PXDNL: variants seen among roughly 807,000 people sequenced by gnomAD.
PXDNL encodes peroxidasin like, also known as probable oxidoreductase PXDNL.
PXDNL carries 145 observed loss-of-function variants against 150.8 expected under a neutral mutation model. That is an observed-to-expected ratio of 0.96 (90% CI 0.84 to 1.10). The LOEUF (loss-of-function observed/expected upper bound fraction) is 1.10, where lower values mean the gene tolerates loss of function less well. PXDNL is among the 50% of genes least tolerant of loss of function. The probability of loss-of-function intolerance (pLI) is 0.00; values close to 1 mark genes in which losing one functional copy is unlikely to be tolerated. For missense variants in PXDNL, 2,087 were observed against 1,873.9 expected (o/e 1.11, Z -2.10); for synonymous variants, 757 against 725.7 (o/e 1.04, Z -0.69).
At chr8:51,609,408 C>T (rs1332562127) in intron 2 of PXDNL, among the ~76,000 whole-genome samples, 1 of 152,154 alleles carries the variant, frequency 6.6e-6, no homozygotes, top group Non-Finnish European at 1.5e-5. Flanking sequence ...CAGGAAGTGT[C>T]CTCTATCCCG....
At chr8:51,492,276 A>G (rs1810912861) in intron 5 of PXDNL, among the ~76,000 whole-genome samples, 1 of 152,190 alleles carries the variant, frequency 6.6e-6, no homozygotes, top group African/African-American at 2.4e-5. Flanking sequence ...GCATATCATC[A>G]GCTAGATACA....
chr8:51,497,418 T>G lies in PXDNL; in HGVS notation c.452+2281A>C, dbSNP rs572070350. ...AACACCAAAAGCAATGGCAACAAAA[T>G]CCAAAATTGACAAACAGGATCTAAT... is the stretch of plus-strand genomic sequence containing the variant. On this transcript the variant is annotated intron_variant, in intron 5 of 22. Coordinates refer to ENST00000356297, the MANE Select transcript of PXDNL (RefSeq NM_144651.5). Among the ~76,000 whole-genome samples the G allele has an allele frequency of 3.3e-5, 5 of 151,958 alleles. No individual in the cohort carries two copies. In the East Asian group the frequency reaches 5.8e-4, roughly 18 times the overall value.
intron 4 of PXDNL, among the ~76,000 whole-genome samples, chr8:51,531,260 C>T (rs1353789941): frequency 2.0e-5 from 3 of 152,218 alleles, no homozygotes; most frequent in Non-Finnish European, 4.4e-5. Context: ...TTTTGCCCAT[C>T]AGGATGTGCC....
intron 1 of PXDNL, among the ~76,000 whole-genome samples, chr8:51,663,555 G>A (rs1442267131): frequency 6.6e-6 from 1 of 152,090 alleles, no homozygotes; most frequent in Non-Finnish European, 1.5e-5. Flanking sequence ...AGGGGTATGC[G>A]GCCACCTTCT....
intron 1 of PXDNL, among the ~76,000 whole-genome samples, chr8:51,696,821 A>AAGTC (rs56211980): frequency 6.8e-6 from 1 of 145,992 alleles, no homozygotes; most frequent in African/African-American, 2.6e-5. Context: ...ACACACACAC[A>AAGTC]CACACACACA....
chr8:51,742,830 A>T (rs905119134), intron 1 of PXDNL, among the ~76,000 whole-genome samples: 7 of 152,176 alleles, frequency 4.6e-5, no homozygotes, highest in Non-Finnish European at 8.8e-5. Flanking sequence ...CCTGATAAGA[A>T]GAAATGTGAC....
At chr8:51,352,074 A>G (rs1294135309) in intron 19 of PXDNL, among the ~76,000 whole-genome samples, 3 of 152,064 alleles carry the variant, frequency 2.0e-5, no homozygotes, top group Admixed American at 6.6e-5. Flanking sequence ...TCAGGGTTAC[A>G]TTAGTGTGTG....
At chr8:51,696,791 C>CATGCACATA in intron 1 of PXDNL, among the ~76,000 whole-genome samples, 1 of 2,056 alleles carries the variant, frequency 4.9e-4, no homozygotes, top group African/African-American at 2.5e-3. Context: ...ACATACCCAC[C>CATGCACATA]CACACATAGG....
chr8:51,578,054 GA>G (rs1813124018), intron 3 of PXDNL, among the ~76,000 whole-genome samples: 1 of 114,018 alleles, frequency 8.8e-6, no homozygotes, highest in Admixed American at 9.1e-5. Context: ...AGGAAGGAAA[GA>G]AAGAAAGGAA....
chr8:51,481,214 A>C (rs866865639), intron 6 of PXDNL, among the ~76,000 whole-genome samples: 23 of 152,180 alleles, frequency 1.5e-4, no homozygotes, highest in African/African-American at 5.3e-4. Context: ...AATAAAATTC[A>C]GACTGAGGGA....
chr8:51,427,729 G>T (rs889864947), intron 12 of PXDNL, among the ~76,000 whole-genome samples: 1 of 152,132 alleles, frequency 6.6e-6, no homozygotes, highest in African/African-American at 2.4e-5. Flanking sequence ...GAAAATAAAA[G>T]TAGAGGGGAA....
chr8:51,320,041 A>G lies in PXDNL; in HGVS notation c.4261-19T>C. 7.0e-7 allele frequency: 1 copy of G among 1,422,108 alleles called. No individual in the cohort carries two copies. Among genetic ancestry groups the G allele is most frequent in the South Asian group, 1.8e-5 (1 of 56,816 alleles). 88.1% of individuals were successfully genotyped at this position (1,422,108 alleles called of 1,614,324 possible). A position where few individuals can be genotyped will look rare whatever the true frequency, so the allele number is the denominator to read the frequency against. On this transcript the variant is annotated intron_variant, in intron 22 of 22. Transcript: ENST00000356297. ...GGCCACTCTGAAAGGCAGCATGCAC[A>G]TATCACCTCCATGTTTCTTATAATC...
intron 1 of PXDNL, among the ~76,000 whole-genome samples, chr8:51,743,244 G>T (rs1229301340): frequency 6.6e-6 from 1 of 151,954 alleles, no homozygotes; most frequent in African/African-American, 2.4e-5. Flanking sequence ...TTGAGACAGG[G>T]TCTCACTCTG....
intron 1 of PXDNL, among the ~76,000 whole-genome samples, chr8:51,776,981 A>G (rs1417046505): frequency 2.6e-5 from 4 of 152,214 alleles, no homozygotes; most frequent in African/African-American, 4.8e-5. Context: ...GCAACTTATG[A>G]TACGTCACTA....
chr8:51,670,380 T>C (rs1815474433), intron 1 of PXDNL, among the ~76,000 whole-genome samples: 1 of 152,144 alleles, frequency 6.6e-6, no homozygotes, highest in African/African-American at 2.4e-5. Context: ...GATCATAGAG[T>C]GCATTTACAC....
intron 1 of PXDNL, among the ~76,000 whole-genome samples, chr8:51,743,668 C>T (rs1444247284): frequency 6.6e-6 from 1 of 152,102 alleles, no homozygotes; most frequent in Non-Finnish European, 1.5e-5. Context: ...AGGCATGAGC[C>T]ACCATGCCCG....
At chr8:51,509,629 A>G (rs77625020) in intron 4 of PXDNL, among the ~76,000 whole-genome samples, 8,887 of 151,424 alleles carry the variant, frequency 0.059, 370 homozygotes, top group South Asian at 0.11. Flanking sequence ...CACCCACTCA[A>G]TGAGCCCAAC....
chr8:51,632,707 A>G (rs189152170), intron 2 of PXDNL, among the ~76,000 whole-genome samples: 5 of 152,360 alleles, frequency 3.3e-5, no homozygotes, highest in Admixed American at 6.5e-5. Context: ...TGGACCACAT[A>G]TCAAACCATA....
At chr8:51,685,632 A>G (rs1198824059) in intron 1 of PXDNL, among the ~76,000 whole-genome samples, 2 of 152,174 alleles carry the variant, frequency 1.3e-5, no homozygotes, top group African/African-American at 2.4e-5. Flanking sequence ...GTTTACCTAC[A>G]TACACACATA....
Sources: allele counts gnomAD v4.1 joint callset (sites outside exome capture counted in the v4.1 genomes callset), GRCh38; gene constraint gnomAD v4.1.1; transcripts MANE v1.5; gene names NCBI Gene and HGNC (gene_info 2026-07-23, HGNC 2026-07-21).